BLK: variants seen among roughly 807,000 people sequenced by gnomAD.
BLK encodes the protein tyrosine-protein kinase Blk.
Under a neutral mutation model 61.8 loss-of-function variants are expected in BLK, and 64 were observed. That is an observed-to-expected ratio of 1.03 (90% CI 0.85 to 1.27). The LOEUF (loss-of-function observed/expected upper bound fraction) is 1.27, where lower values mean the gene tolerates loss of function less well. Ranked by LOEUF, BLK falls within the 50% of genes most tolerant of loss-of-function variation. The pLI, the probability that BLK is intolerant of heterozygous loss-of-function variation, is 0.00. For synonymous variants in BLK, 351 were observed against 272.0 expected, an observed-to-expected ratio of 1.29 and a Z score of -2.86; for missense variants, 853 against 660.5, an observed-to-expected ratio of 1.29 and a Z score of -3.19.
At chr8:11,505,574 C>A (rs535549674) in intron 1 of BLK, among the ~76,000 whole-genome samples, 1 of 152,218 alleles carries the variant, frequency 6.6e-6, no homozygotes, top group Non-Finnish European at 1.5e-5. Flanking sequence ...AGGCCCTCCC[C>A]CTTCTAGACT....
chr8:11,517,387 G>C (rs1799270517), intron 1 of BLK, among the ~76,000 whole-genome samples: 1 of 152,214 alleles, frequency 6.6e-6, no homozygotes, highest in Non-Finnish European at 1.5e-5. Context: ...TTTTAAGTCT[G>C]AGACATTTAC....
intron 1 of BLK, among the ~76,000 whole-genome samples, chr8:11,527,443 C>T (rs145856038): frequency 1.4e-3 from 209 of 152,142 alleles, no homozygotes; most frequent in African/African-American, 4.5e-3. Flanking sequence ...TTTCTAGAAC[C>T]ATAGCTTTGC....
chr8:11,507,881 C>A (rs2117271937), intron 1 of BLK, among the ~76,000 whole-genome samples: 1 of 152,312 alleles, frequency 6.6e-6, no homozygotes, highest in African/African-American at 2.4e-5. Flanking sequence ...GCCTTGCTGT[C>A]TGGCTGGGTG....
intron 1 of BLK, among the ~76,000 whole-genome samples, chr8:11,542,721 T>A (rs767106128): frequency 2.0e-5 from 3 of 152,196 alleles, no homozygotes; most frequent in Non-Finnish European, 4.4e-5. Context: ...CCTAAATGTA[T>A]ATAGTGTCTC....
chr8:11,521,821 C>T (rs1384586937), intron 1 of BLK, among the ~76,000 whole-genome samples: 1 of 152,214 alleles, frequency 6.6e-6, no homozygotes, highest in Non-Finnish European at 1.5e-5. Flanking sequence ...TTCATTACTG[C>T]AGCTTTTAGT....
In BLK at chr8:11,520,435, C is replaced by A. The variant is rs570735697; in HGVS notation, c.-1-22789C>A. Among the ~76,000 whole-genome samples, 9 of 132,912 alleles carry A rather than the reference C, an allele frequency of 6.8e-5. No individual in the cohort carries two copies. In the South Asian group the frequency reaches 2.0e-3, roughly 29 times the overall value. 87.2% of individuals were successfully genotyped at this position (132,912 alleles called of 152,430 possible). ...GAGGCTGCAGTGAGCCGTGATCATG[C>A]CACACACTTCCAGCCTGGGCAATGG... On this transcript the variant is annotated intron_variant, in intron 1 of 12. Coordinates refer to ENST00000259089, the MANE Select transcript of BLK (RefSeq NM_001715.3).
In BLK at chr8:11,513,246, T is replaced by C. The variant is rs999573254; in HGVS notation, c.-2+18655T>C. Among the ~76,000 whole-genome samples the C allele has an allele frequency of 3.3e-5, 5 of 152,136 alleles. No homozygotes were observed. In the South Asian group the frequency reaches 1.0e-3, roughly 32 times the overall value. On this transcript the variant is annotated intron_variant, in intron 1 of 12. Coordinates refer to ENST00000259089, the MANE Select transcript of BLK (RefSeq NM_001715.3). ...GCTGATGAACTAGGACCTCTGTGTC[T>C]TGAAGTGGGAGTGGATGGTAGGAAG...
intron 1 of BLK, among the ~76,000 whole-genome samples, chr8:11,539,163 G>T (rs1800265123): frequency 6.6e-6 from 1 of 151,768 alleles, no homozygotes; most frequent in Admixed American, 6.6e-5. Context: ...ACAACTTGGT[G>T]TTCATCCTCC....
At position 11,527,833 on chromosome 8, in the gene BLK, T is replaced by C. The variant is rs78797345; in HGVS notation, c.-1-15391T>C. Among the ~76,000 whole-genome samples the C allele has an allele frequency of 5.6e-3, 856 of 152,148 alleles. 5 individuals are homozygous for C. Among genetic ancestry groups the C allele is most frequent in the African/African-American group, 0.02 (810 of 41,480 alleles). On this transcript the variant is annotated intron_variant, in intron 1 of 12. Coordinates refer to ENST00000259089, the MANE Select transcript of BLK (RefSeq NM_001715.3). ...TAGGTTCTGCAATAGTGATGTTATC[T>C]ACAGGACCAAATGGGGGAGTCAGAA...
intron 1 of BLK, among the ~76,000 whole-genome samples, chr8:11,542,578 C>T (rs763000929): frequency 1.8e-4 from 27 of 152,172 alleles, no homozygotes; most frequent in Non-Finnish European, 3.5e-4. Flanking sequence ...GTCAAAAGGG[C>T]CTGTCCCACA....
At chr8:11,527,251 G>T (rs1054540637) in intron 1 of BLK, among the ~76,000 whole-genome samples, 4 of 152,076 alleles carry the variant, frequency 2.6e-5, no homozygotes, top group African/African-American at 2.4e-5. Flanking sequence ...TCACCTCTAA[G>T]GGGGTGTAAA....
chr8:11,548,190 C>G (rs1275230786), intron 4 of BLK, 65 bp downstream of exon 4: 78 of 1,346,972 alleles, frequency 5.8e-5, no homozygotes, highest in Admixed American at 2.7e-4. Flanking sequence ...TCTCCTTTCT[C>G]CACCCACCAC....
intron 12 of BLK, 27 bp downstream of exon 12, chr8:11,563,137 G>A: frequency 1.2e-6 from 2 of 1,613,148 alleles, no homozygotes; most frequent in Non-Finnish European, 1.7e-6. Flanking sequence ...GCAGCTCGCG[G>A]CTCCCTGCTT....
chr8:11,523,323 G>A (rs1401270441), intron 1 of BLK, among the ~76,000 whole-genome samples: 1 of 152,134 alleles, frequency 6.6e-6, no homozygotes, highest in Non-Finnish European at 1.5e-5. Context: ...AGAGACCAAG[G>A]CAGGAGGATC....
chr8:11,562,455 G>T (rs373043825), intron 11 of BLK, among the ~76,000 whole-genome samples: 1 of 152,254 alleles, frequency 6.6e-6, no homozygotes, highest in East Asian at 1.9e-4. Flanking sequence ...AAGCCCTGAG[G>T]TCTGCTCCAA....
chr8:11,548,915 C>T (rs971170765), intron 4 of BLK, 109 bp from the exon 5 acceptor site: 3 of 981,206 alleles, frequency 3.1e-6, no homozygotes, highest in Middle Eastern at 4.1e-4. Context: ...TCTACCCCTG[C>T]GGATTCTCTG....
intron 1 of BLK, among the ~76,000 whole-genome samples, chr8:11,518,221 C>T (rs371758033): frequency 6.6e-6 from 1 of 152,340 alleles, no homozygotes; most frequent in Non-Finnish European, 1.5e-5. Flanking sequence ...AAAGCATGGA[C>T]TCTCAGAATC....
At chr8:11,546,393 A>C (rs192548840) in intron 3 of BLK, among the ~76,000 whole-genome samples, 2 of 152,182 alleles carry the variant, frequency 1.3e-5, no homozygotes, top group African/African-American at 4.8e-5. Flanking sequence ...CAGCATCATC[A>C]AACCCAAGTT....
intron 1 of BLK, among the ~76,000 whole-genome samples, chr8:11,530,828 A>C (rs1288857028): frequency 1.3e-5 from 2 of 152,236 alleles, no homozygotes; most frequent in Non-Finnish European, 2.9e-5. Flanking sequence ...TGCTAAGAAC[A>C]TATATGTCAA....
Sources: allele counts gnomAD v4.1 joint callset (sites outside exome capture counted in the v4.1 genomes callset), GRCh38; gene constraint gnomAD v4.1.1; transcripts MANE v1.5; gene names NCBI Gene and HGNC (gene_info 2026-07-23, HGNC 2026-07-21).